TIMM23: variants seen among roughly 807,000 people sequenced by gnomAD.
TIMM23 encodes translocase of inner mitochondrial membrane 23.
Under a neutral mutation model 30.7 loss-of-function variants are expected in TIMM23, and 19 were observed. The observed-to-expected ratio is 0.62, with a 90% CI of 0.43 to 0.91. The LOEUF is 0.91. Among genes scored for constraint, TIMM23 ranks in the 40% least tolerant of loss-of-function variants. The pLI, the probability that TIMM23 is intolerant of heterozygous loss-of-function variation, is 0.00. For synonymous variants in TIMM23, 78 were observed against 98.5 expected (o/e 0.79, Z 1.23); for missense variants, 202 against 269.2 (o/e 0.75, Z 1.75).
intron 2 of TIMM23, among the ~76,000 whole-genome samples, chr10:45,978,781 G>A: frequency 6.6e-6 from 1 of 152,034 alleles, no homozygotes; most frequent in East Asian, 1.9e-4. Context: ...AATTTCACTT[G>A]CGTATACTCC....
intron 5 of TIMM23, among the ~76,000 whole-genome samples, chr10:45,986,384 A>G (rs1400247863): frequency 1.3e-5 from 2 of 152,166 alleles, no homozygotes; most frequent in African/African-American, 4.8e-5. Context: ...GTCAGAGAAA[A>G]GTCCAAGAAA....
intron 4 of TIMM23, 35 bp from the exon 5 acceptor site, chr10:45,985,348 C>T: frequency 6.2e-7 from 1 of 1,612,000 alleles, no homozygotes; most frequent in South Asian, 1.1e-5. Flanking sequence ...AATAATGATT[C>T]TAAATACAGA....
chr10:46,003,410 C>A lies in TIMM23; in HGVS notation c.*92C>A. 2.2e-6 allele frequency: 2 copies of A among 905,406 alleles called. No homozygotes were observed. Among genetic ancestry groups the A allele is most frequent in the Admixed American group, 2.5e-5 (1 of 40,722 alleles). The allele number at this position is 905,406 out of a possible 1,614,324, so 56.1% of individuals were successfully genotyped here. ...GGAGTTATTCTCTCTCTTCTACCTA[C>A]AATTAGTTTGAAAAATTGGAGATTT... On this transcript the variant is annotated 3_prime_UTR_variant, in exon 7 of 7. Transcript: ENST00000580018.
At chr10:46,002,914 C>A (rs1030240551) in intron 6 of TIMM23, among the ~76,000 whole-genome samples, 1 of 149,778 alleles carries the variant, frequency 6.7e-6, no homozygotes, top group Non-Finnish European at 1.5e-5. Context: ...ACCTCAGCCT[C>A]CTGGGTTCAA....
chr10:45,983,566 TA>T (rs1334673955), intron 4 of TIMM23, among the ~76,000 whole-genome samples: 8 of 152,126 alleles, frequency 5.3e-5, no homozygotes, highest in African/African-American at 1.7e-4. Flanking sequence ...CCTTAAACAA[TA>T]TGTTTAGTTT....
intron 6 of TIMM23, among the ~76,000 whole-genome samples, chr10:46,001,141 A>G (rs1838520399): frequency 6.6e-6 from 1 of 152,204 alleles, no homozygotes; most frequent in East Asian, 1.9e-4. Context: ...CATGAGGTCG[A>G]TCCTTATTAA....
intron 4 of TIMM23, among the ~76,000 whole-genome samples, chr10:45,983,133 A>C (rs1158359173): frequency 3.9e-5 from 6 of 152,260 alleles, no homozygotes; most frequent in African/African-American, 1.4e-4. Flanking sequence ...TGATTTTTTT[A>C]ATCAGTGTCC....
At chr10:45,998,335 A>T in intron 6 of TIMM23, 2 of 981,496 alleles carry the variant, frequency 2.0e-6, no homozygotes, top group Non-Finnish European at 2.4e-6. Context: ...TCATGTATAG[A>T]AGAGGTGGTG....
chr10:45,985,588 G>A, intron 5 of TIMM23, 147 bp downstream of exon 5: 1 of 1,008,236 alleles, frequency 9.9e-7, no homozygotes, highest in South Asian at 1.4e-5. Flanking sequence ...TACTACTTAG[G>A]GAAAGACCAT....
At chr10:45,984,480 A>G (rs1837942584) in intron 4 of TIMM23, 1 of 152,384 alleles carries the variant, frequency 6.6e-6, no homozygotes, top group Admixed American at 6.5e-5. Flanking sequence ...TTCTGTTTGT[A>G]AACATTACTG....
At chr10:45,992,483 A>C (rs1838193442) in intron 6 of TIMM23, 4 of 455,750 alleles carry the variant, frequency 8.8e-6, no homozygotes, top group South Asian at 6.2e-5. Context: ...TTAACTCTTT[A>C]GAAGTTTTAT....
intron 6 of TIMM23, among the ~76,000 whole-genome samples, chr10:45,993,770 C>T (rs1174833411): frequency 2.0e-5 from 3 of 151,738 alleles, no homozygotes; most frequent in Admixed American, 6.6e-5. Context: ...AATGAAATGC[C>T]GGGTGCAGTG....
rs1449337278 is a variant in TIMM23 at position 45,972,528 on chromosome 10, G to T, written c.-97G>T. On this transcript the variant is annotated 5_prime_UTR_variant, in exon 1 of 7. Coordinates refer to ENST00000580018, the MANE Select transcript of TIMM23 (RefSeq NM_006327.4). ...AGGTCAGCGTGTGAAGTAGGCGCTG[G>T]CAACGCGGGGTTACCCGCTGTTATT... is the stretch of plus-strand genomic sequence containing the variant. 2.7e-6 allele frequency: 4 copies of T among 1,481,898 alleles called. No homozygotes were observed. The highest frequency in any genetic ancestry group is 3.6e-6 in the Non-Finnish European group (4 of 1,106,878). 91.8% of individuals were successfully genotyped at this position (1,481,898 alleles called of 1,614,324 possible).
chr10:46,001,746 C>T (rs1445369707), intron 6 of TIMM23, among the ~76,000 whole-genome samples: 2 of 152,168 alleles, frequency 1.3e-5, no homozygotes, highest in Non-Finnish European at 1.5e-5. Context: ...CATGGAGCTG[C>T]TTGAGGACTT....
chr10:46,002,550 C>T (rs1838576834), intron 6 of TIMM23: 1 of 963,078 alleles, frequency 1.0e-6, no homozygotes, highest in African/African-American at 1.8e-5. Context: ...TAGGGTGTCA[C>T]CTTGTTTACA....
chr10:45,982,148 A>G (rs1837870427), intron 2 of TIMM23, among the ~76,000 whole-genome samples: 2 of 152,234 alleles, frequency 1.3e-5, no homozygotes, highest in South Asian at 4.1e-4. Context: ...AAAATGCACA[A>G]TAAATAGCTG....
At chr10:45,985,678 G>A (rs74548722) in intron 5 of TIMM23, among the ~76,000 whole-genome samples, 2 of 152,150 alleles carry the variant, frequency 1.3e-5, no homozygotes, top group African/African-American at 2.4e-5. Flanking sequence ...TTTGGACACT[G>A]CACACTCTCC....
At position 45,973,317 on chromosome 10, in the gene TIMM23, C is replaced by T. The variant is rs1445039404; in HGVS notation, c.106+587C>T. Among the ~76,000 whole-genome samples, 3 of 152,188 alleles carry T rather than the reference C, an allele frequency of 2.0e-5. No individual in the cohort carries two copies. The East Asian group carries it at 5.8e-4, about 29-fold the overall frequency. On this transcript the variant is annotated intron_variant, in intron 1 of 6. Coordinates refer to ENST00000580018, the MANE Select transcript of TIMM23 (RefSeq NM_006327.4). The stretch of plus-strand genomic sequence containing the variant: ...CGGAAATAGGCAACATCAAGGTATA[C>T]AGAGGCATAAATATCTTGCCTTTGC...
intron 6 of TIMM23, among the ~76,000 whole-genome samples, chr10:45,994,296 G>A (rs1365898240): frequency 9.3e-5 from 14 of 151,142 alleles, no homozygotes; most frequent in African/African-American, 2.2e-4. Context: ...GCAAGATTGC[G>A]CCACTGCACT....
Sources: gnomAD v4.1 joint callset for allele counts (sites outside exome capture counted in the v4.1 genomes callset) on GRCh38, gnomAD v4.1.1 for gene constraint, MANE v1.5 for transcripts, NCBI Gene and HGNC (gene_info 2026-07-23, HGNC 2026-07-21) for gene names.